LEO1: variants seen among roughly 807,000 people sequenced by gnomAD.
LEO1 encodes the protein LEO1 component of Paf1/RNA polymerase II complex.
A neutral mutation model predicts 80.4 loss-of-function variants in LEO1; 34 were observed. The ratio of observed to expected loss-of-function variants is 0.42; its 90% CI spans 0.32 to 0.56. The LOEUF is 0.56. Ranked by LOEUF, LEO1 falls within the 20% of genes least tolerant of loss-of-function variation. The pLI, the probability that LEO1 is intolerant of heterozygous loss-of-function variation, is 0.10. For missense variants in LEO1, 631 were observed against 814.2 expected (o/e 0.77, Z 2.74); for synonymous variants, 262 against 274.9 (o/e 0.95, Z 0.46).
intron 7 of LEO1, among the ~76,000 whole-genome samples, chr15:51,953,937 CTT>C (rs112885993): frequency 0.016 from 2,186 of 139,300 alleles, 63 homozygotes; most frequent in East Asian, 0.076. Context: ...GAAATTTTTT[CTT>C]TTTTTTTTTT....
chr15:51,941,638 CTATT>C (rs1200987892), intron 11 of LEO1, among the ~76,000 whole-genome samples: 1 of 152,172 alleles, frequency 6.6e-6, no homozygotes, highest in Admixed American at 6.5e-5. Context: ...CTCCCCCTAC[CTATT>C]TATCTAGATC....
chr15:51,938,139 T>G lies in LEO1; in HGVS notation c.*17A>C. The G allele has an allele frequency of 7.7e-7, 1 of 1,303,092 alleles. No individual in the cohort carries two copies. Among genetic ancestry groups the G allele is most frequent in the Non-Finnish European group, 1.1e-6 (1 of 909,870 alleles). The allele number at this position is 1,303,092 out of a possible 1,614,324, so 80.7% of individuals were successfully genotyped here. On this transcript the variant is annotated 3_prime_UTR_variant, in exon 12 of 12. Transcript: ENST00000299601. ...ACTGTACAATAAAATATATAAAATG[T>G]TTTCATATTTCATACTTCAATCATC...
intron 11 of LEO1, among the ~76,000 whole-genome samples, chr15:51,946,030 T>C (rs958831918): frequency 6.6e-6 from 1 of 151,462 alleles, no homozygotes; most frequent in African/African-American, 2.4e-5. Flanking sequence ...CGAGACTCTG[T>C]CTTAAAAAAA....
In LEO1 at chr15:51,955,975, G is replaced by A. The variant is rs111872463; in HGVS notation, c.1246-1400C>T. On this transcript the variant is annotated intron_variant, in intron 6 of 11. Coordinates refer to ENST00000299601, the MANE Select transcript of LEO1 (RefSeq NM_138792.4). ...GTAGATGACAAAAGATTGTTAACTC[G>A]ACAACTGTTGAAGTGGGTCATGGGC... 3.0e-3 allele frequency among the ~76,000 whole-genome samples: 454 copies of A among 152,294 alleles called. 5 individuals are homozygous for A. The highest frequency in any genetic ancestry group is 0.01 in the African/African-American group (431 of 41,566).
In LEO1 at chr15:51,951,917, G is replaced by A. The variant is rs1595936377; in HGVS notation, c.1538C>T (p.Ser513Leu). 1 of 1,613,424 alleles carries A rather than the reference G, an allele frequency of 6.2e-7. No homozygotes were observed. Among genetic ancestry groups the A allele is most frequent in the East Asian group, 2.2e-5 (1 of 44,886 alleles). The stretch of plus-strand genomic sequence containing the variant: ...CAAGATTCTAATCTTCTGTGTCTTT[G>A]AACACCTATCTGCAAGTGACAGAGT... The part of the protein sequence containing the change: ...KMTLSLADRC[S>L]KTQKIRILPM... Residue 513 changes from serine to leucine, a missense_variant, in exon 9 of 12, where the codon TCA becomes TTA. Coordinates refer to ENST00000299601, the MANE Select transcript of LEO1 (RefSeq NM_138792.4).
At chr15:51,955,455 G>C (rs1339846258) in intron 6 of LEO1, among the ~76,000 whole-genome samples, 1 of 152,200 alleles carries the variant, frequency 6.6e-6, no homozygotes, top group Non-Finnish European at 1.5e-5. Flanking sequence ...GGAAACACCA[G>C]AGTTGGCAAA....
intron 1 of LEO1, among the ~76,000 whole-genome samples, chr15:51,968,462 A>C (rs868078721): frequency 4.6e-5 from 7 of 152,104 alleles, no homozygotes; most frequent in South Asian, 2.1e-4. Context: ...AATCCCTTAA[A>C]CCTAGGAAGC....
intron 6 of LEO1, among the ~76,000 whole-genome samples, chr15:51,957,630 G>A (rs897985924): frequency 6.6e-6 from 1 of 152,128 alleles, no homozygotes; most frequent in Admixed American, 6.6e-5. Flanking sequence ...AGGTTATTTA[G>A]GTAGTTGTTA....
At chr15:51,970,408 C>G (rs1316398558) in intron 1 of LEO1, among the ~76,000 whole-genome samples, 1 of 152,148 alleles carries the variant, frequency 6.6e-6, no homozygotes, top group African/African-American at 2.4e-5. Context: ...AATCCGCCTG[C>G]CGGAACCAGG....
chr15:51,956,184 G>A (rs971012434), intron 6 of LEO1, among the ~76,000 whole-genome samples: 2 of 152,092 alleles, frequency 1.3e-5, no homozygotes, highest in Non-Finnish European at 2.9e-5. Flanking sequence ...TTGGGAGGCC[G>A]AGGCAGGCAG....
At chr15:51,959,244 T>G (rs1021705420) in intron 5 of LEO1, among the ~76,000 whole-genome samples, 1 of 152,198 alleles carries the variant, frequency 6.6e-6, no homozygotes, top group Non-Finnish European at 1.5e-5. Flanking sequence ...CCTCAGGTGA[T>G]CCGCCCTCCT....
At chr15:51,965,129 C>G (rs2057064704) in intron 2 of LEO1, among the ~76,000 whole-genome samples, 1 of 152,158 alleles carries the variant, frequency 6.6e-6, no homozygotes, top group Non-Finnish European at 1.5e-5. Context: ...TATAATTTGC[C>G]ATCCACGCTA....
At position 51,947,305 on chromosome 15, in the gene LEO1, A is replaced by C. The variant is rs1396149295; in HGVS notation, c.1883T>G (p.Leu628Arg). 6.2e-7 allele frequency: 1 copy of C among 1,611,602 alleles called. No individual in the cohort carries two copies. Among genetic ancestry groups the C allele is most frequent in the Admixed American group, 1.7e-5 (1 of 60,000 alleles). Residue 628 changes from leucine to arginine, a missense_variant, in exon 11 of 12, where the codon CTT (leucine) becomes CGT (arginine). Transcript: ENST00000299601. The part of the protein sequence containing the change: ...KAQRLLKAKK[L>R]TSDEEGEPSG... ...ATTTGGTCTTACCTCATCACTGGTA[A>C]GTTTCTTTGCTTTGAGTAATCTTTG...
chr15:51,947,105 C>G (rs1027248070), intron 11 of LEO1, 187 bp downstream of exon 11: 2 of 591,904 alleles, frequency 3.4e-6, no homozygotes, highest in African/African-American at 3.8e-5. Context: ...CTTCTAAGAC[C>G]TCTCTAAGCA....
chr15:51,943,826 G>A (rs1010276094), intron 11 of LEO1, among the ~76,000 whole-genome samples: 1 of 150,816 alleles, frequency 6.6e-6, no homozygotes, highest in African/African-American at 2.4e-5. Flanking sequence ...ACACTGAAAG[G>A]GTAACTGAAA....
intron 11 of LEO1, chr15:51,947,038 C>T: frequency 2.3e-6 from 1 of 435,504 alleles, no homozygotes; most frequent in Non-Finnish European, 4.1e-6. Context: ...ACAGTTTGAC[C>T]AGCAAGCTTC....
intron 5 of LEO1, 67 bp from the exon 6 acceptor site, chr15:51,958,893 C>T (rs4775989): frequency 0.014 from 10,719 of 761,838 alleles, 433 homozygotes; most frequent in East Asian, 0.096. Flanking sequence ...TATGTAATAA[C>T]ATCTCTATTA....
At position 51,969,797 on chromosome 15, in the gene LEO1, T is replaced by C. The variant is rs575437131; in HGVS notation, c.58+1891A>G. On this transcript the variant is annotated intron_variant, in intron 1 of 11. Transcript: ENST00000299601. ...CGGAGGTTGCAGTGAGCCAAGATTG[T>C]ACCACTGCACTGCAGCCTGGGAGAC... Among the ~76,000 whole-genome samples, 17 of 142,894 alleles carry C rather than the reference T, an allele frequency of 1.2e-4. No individual in the cohort carries two copies. In the South Asian group the frequency reaches 3.5e-3, roughly 29 times the overall value. The allele number at this position is 142,894 out of a possible 152,430, so 93.7% of individuals were successfully genotyped here. A position where few individuals can be genotyped will look rare whatever the true frequency, so the allele number is the denominator to read the frequency against.
chr15:51,954,744 G>A lies in LEO1; in HGVS notation c.1246-169C>T, dbSNP rs114193349. On this transcript the variant is annotated intron_variant, in intron 6 of 11. Transcript: ENST00000299601. ...CCCTCTTTAATCACCTAGAGAGGTT[G>A]GATAAATTAAAAGCAGGGAAAAAAA... is the stretch of plus-strand genomic sequence containing the variant. 320 of 565,140 alleles carry A rather than the reference G, an allele frequency of 5.7e-4. 2 individuals carry two copies. The highest frequency in any genetic ancestry group is 5.4e-3 in the African/African-American group (286 of 52,784). 35.0% of individuals were successfully genotyped at this position (565,140 alleles called of 1,614,324 possible).
Sources: allele counts gnomAD v4.1 joint callset (sites outside exome capture counted in the v4.1 genomes callset), GRCh38; gene constraint gnomAD v4.1.1; transcripts MANE v1.5; gene names NCBI Gene and HGNC (gene_info 2026-07-23, HGNC 2026-07-21).